CACNA1I: variants seen among roughly 807,000 people sequenced by gnomAD.
CACNA1I encodes the protein voltage-dependent T-type calcium channel subunit alpha-1I.
A neutral mutation model predicts 201.6 loss-of-function variants in CACNA1I; 74 were observed. The observed-to-expected ratio is 0.37, with a 90% CI of 0.30 to 0.45. The LOEUF (loss-of-function observed/expected upper bound fraction) is 0.45. Ranked by LOEUF, CACNA1I falls within the 20% of genes least tolerant of loss-of-function variation. The pLI, the probability that CACNA1I is intolerant of heterozygous loss-of-function variation, is 1.00. For synonymous variants in CACNA1I, 1,431 were observed against 1,345.2 expected (o/e 1.06, Z -1.40); for missense variants, 2,346 against 3,138.1 (o/e 0.75, Z 6.03).
chr22:39,670,608 C>T (rs990984943), intron 25 of CACNA1I, among the ~76,000 whole-genome samples, 195 bp from the exon 26 acceptor site: 3 of 152,148 alleles, frequency 2.0e-5, no homozygotes, highest in Non-Finnish European at 4.4e-5. Flanking sequence ...TCTTTGTCAC[C>T]CTTCTCCACA....
Position 39,636,521 on chromosome 22 carries a change from A to G in CACNA1I, c.740+1797A>G, listed in dbSNP as rs1257603897. ...CTGGGGGATGGTCGGTGTTGCGTGA[A>G]AAAGGAGATGAGTAAAGTTCACGCA... On this transcript the variant is annotated intron_variant, in intron 5 of 36. Coordinates refer to ENST00000402142, the MANE Select transcript of CACNA1I (RefSeq NM_021096.4). 2.0e-5 allele frequency among the ~76,000 whole-genome samples: 3 copies of G among 152,286 alleles called. No individual in the cohort carries two copies. The East Asian group carries it at 5.8e-4, about 29-fold the overall frequency.
chr22:39,641,229 C>A, intron 6 of CACNA1I, 47 bp downstream of exon 6: 1 of 1,522,772 alleles, frequency 6.6e-7, no homozygotes, highest in Non-Finnish European at 9.0e-7. Context: ...GAGTGGGCAG[C>A]TCTGCCTGGT....
chr22:39,571,436 G>A (rs1339657245), intron 1 of CACNA1I, among the ~76,000 whole-genome samples: 9 of 152,134 alleles, frequency 5.9e-5, no homozygotes, highest in Admixed American at 2.0e-4. Flanking sequence ...CTGTGCCTCC[G>A]AGCAGCCTCT....
chr22:39,658,815 A>G, intron 11 of CACNA1I, 116 bp from the exon 12 acceptor site: 1 of 883,090 alleles, frequency 1.1e-6, no homozygotes, highest in Non-Finnish European at 1.7e-6. Flanking sequence ...TGTCAGATGG[A>G]TGGATGAATG....
chr22:39,602,540 A>G (rs1933098173), intron 3 of CACNA1I, among the ~76,000 whole-genome samples: 1 of 118,118 alleles, frequency 8.5e-6, no homozygotes, highest in Non-Finnish European at 1.7e-5. Flanking sequence ...TGGCTGGAGA[A>G]CATCTTTAAG....
At chr22:39,635,333 G>A (rs546406189) in intron 5 of CACNA1I, among the ~76,000 whole-genome samples, 6 of 151,044 alleles carry the variant, frequency 4.0e-5, no homozygotes, top group South Asian at 2.1e-4. Context: ...CTCAGGATGC[G>A]GCAGAAGGGG....
At chr22:39,668,510 C>G (rs1366567509) in intron 24 of CACNA1I, 129 bp downstream of exon 24, 2 of 647,542 alleles carry the variant, frequency 3.1e-6, no homozygotes, top group Non-Finnish European at 5.7e-6. Context: ...ACTGTCAGCA[C>G]AGCCCACTCC....
At chr22:39,593,120 A>T (rs1932841079) in intron 1 of CACNA1I, among the ~76,000 whole-genome samples, 1 of 151,868 alleles carries the variant, frequency 6.6e-6, no homozygotes, top group Non-Finnish European at 1.5e-5. Flanking sequence ...AAGCCACTCC[A>T]TCTGCCTCCT....
rs757209971 is a variant in CACNA1I at position 39,665,531 on chromosome 22, G to A, written c.3885G>A (p.Val1295=). 6.2e-7 allele frequency: 1 copy of A among 1,613,820 alleles called. No individual in the cohort carries two copies. The stretch of plus-strand genomic sequence containing the variant: ...GCCGGGCGCCGGGCCTGAAGCTGGT[G>A]GTGGAGACACTCATCTCCTCCCTCA... ...VISRAPGLKL[V]VETLISSLKP... Residue 1295 remains valine (V), a synonymous_variant, in exon 22 of 37, where the codon GTG becomes GTA. Transcript: ENST00000402142. This position sits in a 1 kb window ranked among gnomAD's most constrained non-coding sequence, Gnocchi z 5.5.
At chr22:39,642,931 C>T in intron 7 of CACNA1I, 42 bp downstream of exon 7, 1 of 1,392,164 alleles carries the variant, frequency 7.2e-7, no homozygotes, top group African/African-American at 1.4e-5. Context: ...TGCTCAGAAC[C>T]CATGGACCAG....
rs768309039 is a variant in CACNA1I at position 39,659,848 on chromosome 22, C to T, written c.2600C>T (p.Ala867Val). 8.7e-6 allele frequency: 14 copies of T among 1,613,620 alleles called. No individual in the cohort carries two copies. The highest frequency in any genetic ancestry group is 3.3e-5 in the Admixed American group (2 of 59,988). ...LVAILVEGFQAEGDANRSYSD... is the reference protein window; with the variant it reads ...LVAILVEGFQVEGDANRSYSD... ...GCCATCCTGGTGGAGGGCTTCCAGG[C>T]GGAGGTGACTGTGGTCTTGGCAGAG... Residue 867 changes from alanine to valine, a missense_variant, in exon 14 of 37, where the codon GCG (alanine) becomes GTG (valine). This residue lies in a region of CACNA1I where 92 missense variants were observed against 114.5 expected (regional missense o/e 0.80). Transcript: ENST00000402142. This position sits in a 1 kb window ranked among gnomAD's most constrained non-coding sequence, Gnocchi z 4.3.
At chr22:39,614,173 T>C (rs1210910041) in intron 3 of CACNA1I, among the ~76,000 whole-genome samples, 1 of 152,130 alleles carries the variant, frequency 6.6e-6, no homozygotes, top group South Asian at 2.1e-4. Context: ...CTGTCTCAGT[T>C]TCTTCATCTG....
chr22:39,627,045 G>A (rs1392567193), intron 4 of CACNA1I, among the ~76,000 whole-genome samples: 4 of 152,198 alleles, frequency 2.6e-5, no homozygotes, highest in Non-Finnish European at 4.4e-5. Flanking sequence ...GTTTGAACCC[G>A]TGTTCACCTG....
chr22:39,672,967 G>A lies in CACNA1I; in HGVS notation c.4668G>A (p.Leu1556=). 2.5e-6 allele frequency: 4 copies of A among 1,613,582 alleles called. No homozygotes were observed. Among genetic ancestry groups the A allele is most frequent in the African/African-American group, 1.3e-5 (1 of 75,014 alleles). The part of the protein sequence containing the change: ...FFKDRWNQLD[L]AIVLLSVMGI... ...TGAGCAGATGGAACCAGCTGGACCT[G>A]GCCATTGTGCTACTGTCAGTCATGG... The change falls in exon 28 of 37, where the codon CTG becomes CTA. Residue 1556 remains leucine (L), a synonymous_variant. Coordinates refer to ENST00000402142, the MANE Select transcript of CACNA1I (RefSeq NM_021096.4).
chr22:39,663,929 G>A (rs1935103167), intron 19 of CACNA1I, 88 bp downstream of exon 19: 5 of 1,571,456 alleles, frequency 3.2e-6, no homozygotes, highest in Non-Finnish European at 3.5e-6. Context: ...CCTCACCGAG[G>A]TGGGGAGGCA....
intron 4 of CACNA1I, among the ~76,000 whole-genome samples, chr22:39,622,593 C>T (rs554865020): frequency 7.4e-4 from 5 of 6,786 alleles, no homozygotes; most frequent in Non-Finnish European, 1.1e-3. Context: ...GGCCAGAGTG[C>T]GGTGTGGGGG....
chr22:39,608,990 A>G (rs1933305069), intron 3 of CACNA1I, among the ~76,000 whole-genome samples: 1 of 152,214 alleles, frequency 6.6e-6, no homozygotes, highest in Admixed American at 6.5e-5. Flanking sequence ...TCAGGCAGGT[A>G]TGTCCCTGCT....
At chr22:39,604,216 G>A (rs5750857) in intron 3 of CACNA1I, among the ~76,000 whole-genome samples, 16 of 152,060 alleles carry the variant, frequency 1.1e-4, no homozygotes, top group Non-Finnish European at 1.8e-4. Context: ...ATTCTGTATT[G>A]CTTAGCGATT....
chr22:39,621,377 T>C (rs1321398131), intron 4 of CACNA1I, among the ~76,000 whole-genome samples: 1 of 152,170 alleles, frequency 6.6e-6, no homozygotes, highest in Non-Finnish European at 1.5e-5. Context: ...CCCTGGGGCC[T>C]TGGGGCTCTG....
Sources: allele counts gnomAD v4.1 joint callset (sites outside exome capture counted in the v4.1 genomes callset), GRCh38; gene constraint gnomAD v4.1.1; regional missense constraint gnomAD v4.1.1; non-coding constraint Gnocchi (gnomAD v3.1); transcripts MANE v1.5; gene names NCBI Gene and HGNC (gene_info 2026-07-23, HGNC 2026-07-21).